The following KCNQ1 variants were observed in gnomAD, a reference collection of about 807,000 sequenced individuals.
The protein encoded by KCNQ1 is potassium voltage-gated channel subfamily Q member 1.
Under a neutral mutation model 72.4 loss-of-function variants are expected in KCNQ1, and 49 were observed. The ratio of observed to expected loss-of-function variants is 0.68; its 90% confidence interval spans 0.54 to 0.86. The LOEUF is 0.86. KCNQ1 is among the 40% of genes least tolerant of loss of function. The probability of loss-of-function intolerance (pLI) is 0.00; values close to 1 mark genes in which losing one functional copy is unlikely to be tolerated. For missense variants in KCNQ1, 790 were observed against 945.1 expected, an observed-to-expected ratio of 0.84 and a Z score of 2.15; for synonymous variants, 450 against 412.6, an observed-to-expected ratio of 1.09 and a Z score of -1.10.
In KCNQ1 at chr11:2,772,927, G is replaced by A. The variant is rs1408128470; in HGVS notation, c.1591-3033G>A. Reference sequence around the variant, plus strand: ...TCAGCTTCACAGAGCTCTGTGGTCTGCAGGAGGCTCACCACCATGACTCAT... The same window carrying A: ...TCAGCTTCACAGAGCTCTGTGGTCTACAGGAGGCTCACCACCATGACTCAT... On this transcript the variant is annotated intron_variant, in intron 12 of 15. Coordinates refer to ENST00000155840, the MANE Select transcript of KCNQ1 (RefSeq NM_000218.3). This position sits in a 1 kb window ranked among gnomAD's most constrained non-coding sequence, Gnocchi z 6.6. Among the ~76,000 whole-genome samples the A allele has an allele frequency of 6.6e-6, 1 of 152,158 alleles. No individual in the cohort carries two copies. The highest frequency in any genetic ancestry group is 1.5e-5 in the Non-Finnish European group (1 of 68,024).
At position 2,610,380 on chromosome 11, in the gene KCNQ1, C is replaced by T. The variant is rs72847701; in HGVS notation, c.1393+21526C>T. ...ATATAATGATATATCTTTAAAGAAG[C>T]TGAAAGGAGAGCAAGTATATATTTC... On this transcript the variant is annotated intron_variant, in intron 10 of 15. Transcript: ENST00000155840. The T allele has an allele frequency of 0.01, 4,162 of 398,200 alleles. 37 individuals carry two copies. The highest frequency in any genetic ancestry group is 0.016 in the Non-Finnish European group (3,596 of 225,920). The allele number at this position is 398,200 out of a possible 1,614,324, so 24.7% of individuals were successfully genotyped here.
chr11:2,778,375 T>C (rs1321821444), intron 15 of KCNQ1, among the ~76,000 whole-genome samples: 1 of 152,230 alleles, frequency 6.6e-6, no homozygotes, highest in East Asian at 1.9e-4. Flanking sequence ...CCTGGCTGTG[T>C]CCTGAGTGGA....
At chr11:2,574,019 C>T (rs1848380300) in intron 6 of KCNQ1, among the ~76,000 whole-genome samples, 1 of 152,162 alleles carries the variant, frequency 6.6e-6, no homozygotes, top group Non-Finnish European at 1.5e-5. Flanking sequence ...TGGTGGCTGC[C>T]TTCAAATCCT....
At chr11:2,839,525 G>T (rs1307342584) in intron 15 of KCNQ1, among the ~76,000 whole-genome samples, 1 of 149,640 alleles carries the variant, frequency 6.7e-6, no homozygotes, top group South Asian at 2.1e-4. Flanking sequence ...CAGCAGACAC[G>T]GCACACATAG....
At chr11:2,736,961 G>A (rs1845968958) in intron 11 of KCNQ1, among the ~76,000 whole-genome samples, 3 of 152,144 alleles carry the variant, frequency 2.0e-5, no homozygotes, top group Admixed American at 1.3e-4. Flanking sequence ...GCCCAGTCCC[G>A]ACCCCCACCG....
At chr11:2,597,569 G>T (rs1848750260) in intron 10 of KCNQ1, among the ~76,000 whole-genome samples, 1 of 152,166 alleles carries the variant, frequency 6.6e-6, no homozygotes, top group African/African-American at 2.4e-5. Flanking sequence ...AGAAGAGTAT[G>T]AAATCTGCCA....
intron 2 of KCNQ1, among the ~76,000 whole-genome samples, chr11:2,558,743 G>A (rs1848111969): frequency 1.3e-5 from 2 of 152,166 alleles, no homozygotes; most frequent in Admixed American, 6.5e-5. Flanking sequence ...GGCACCGGCA[G>A]TACATGTGAA....
chr11:2,521,543 C>T (rs957780633), intron 1 of KCNQ1: 25 of 470,706 alleles, frequency 5.3e-5, no homozygotes, highest in Middle Eastern at 3.2e-4. Context: ...AGTGGTTACA[C>T]GCCCCGGGGT....
rs1022554760 is a variant in KCNQ1, at chr11:2,621,639, A to G, written c.1393+32785A>G. 7.5e-6 allele frequency: 3 copies of G among 398,196 alleles called. No individual in the cohort carries two copies. The highest frequency in any genetic ancestry group is 1.3e-4 in the South Asian group (1 of 7,862). 24.7% of individuals were successfully genotyped at this position (398,196 alleles called of 1,614,324 possible). A position where few individuals can be genotyped will look rare whatever the true frequency, so the allele number is the denominator to read the frequency against. ...TTGGTTTTTTTCTAGGAATTTGTCC[A>G]TTTCCTCTAGGTTATCCAATTTGTT... On this transcript the variant is annotated intron_variant, in intron 10 of 15. Transcript: ENST00000155840. This position sits in a 1 kb window ranked among gnomAD's most constrained non-coding sequence, Gnocchi z 5.7.
At chr11:2,793,547 C>T (rs962125222) in intron 15 of KCNQ1, among the ~76,000 whole-genome samples, 5 of 152,176 alleles carry the variant, frequency 3.3e-5, no homozygotes, top group African/African-American at 1.2e-4. Flanking sequence ...TCGCTTGAGC[C>T]CAGGAGTTCA....
At chr11:2,505,462 G>A (rs1455126895) in intron 1 of KCNQ1, among the ~76,000 whole-genome samples, 1 of 152,084 alleles carries the variant, frequency 6.6e-6, no homozygotes, top group Non-Finnish European at 1.5e-5. Flanking sequence ...TGGGTCGAGT[G>A]TTCTCTGCAT....
In KCNQ1 at chr11:2,544,258, A is replaced by ATG. The variant is rs1353910599; in HGVS notation, c.477+16252_477+16253dup. ...TATATGTGTGTGTGTGTATATATATATGTGTGTGTGTGTATATATATGTGT... is the reference window on the plus strand; with the variant it reads ...TATATGTGTGTGTGTGTATATATATATGTGTGTGTGTGTGTATATATATGTGT... On this transcript the variant is annotated intron_variant, in intron 2 of 15. Transcript: ENST00000155840. The surrounding 1 kb of genome is among the most constrained non-coding windows in gnomAD (Gnocchi z 4.4). 9.2e-5 allele frequency among the ~76,000 whole-genome samples: 8 copies of ATG among 86,628 alleles called. No homozygotes were observed. The highest frequency in any genetic ancestry group is 4.1e-4 in the East Asian group (1 of 2,448). 56.8% of individuals were successfully genotyped at this position (86,628 alleles called of 152,430 possible).
intron 1 of KCNQ1, among the ~76,000 whole-genome samples, chr11:2,469,497 T>G (rs1264893482): frequency 6.6e-6 from 1 of 152,018 alleles, no homozygotes; most frequent in Non-Finnish European, 1.5e-5. Context: ...GGTCTCTAAC[T>G]CCTGACCTCG....
rs1590112712 is a variant in KCNQ1 at position 2,824,830 on chromosome 11, C to T, written c.1795-22937C>T. 1.3e-5 allele frequency among the ~76,000 whole-genome samples: 2 copies of T among 152,314 alleles called. No individual in the cohort carries two copies. Among genetic ancestry groups the T allele is most frequent in the East Asian group, 1.9e-4 (1 of 5,188 alleles). ...TTCTGTACTTGGCCTGTCTCAGTGCCGTGCCGCATCCATCCTGCCCCTGGC... is the reference window on the plus strand; with the variant it reads ...TTCTGTACTTGGCCTGTCTCAGTGCTGTGCCGCATCCATCCTGCCCCTGGC... On this transcript the variant is annotated intron_variant, in intron 15 of 15. Coordinates refer to ENST00000155840, the MANE Select transcript of KCNQ1 (RefSeq NM_000218.3). The surrounding 1 kb of genome is among the most constrained non-coding windows in gnomAD (Gnocchi z 5.9).
Position 2,497,486 on chromosome 11 carries a change from A to G in KCNQ1, c.387-30442A>G, listed in dbSNP as rs1019788773. The stretch of plus-strand genomic sequence containing the variant: ...TATTGATACTTGTGTATGCATCACA[A>G]AGTTCTCATGCTGTGTTTTTCAGCT... On this transcript the variant is annotated intron_variant, in intron 1 of 15. Coordinates refer to ENST00000155840, the MANE Select transcript of KCNQ1 (RefSeq NM_000218.3). The surrounding 1 kb of genome is among the most constrained non-coding windows in gnomAD (Gnocchi z 4.5). 6.6e-6 allele frequency among the ~76,000 whole-genome samples: 1 copy of G among 152,078 alleles called. No homozygotes were observed. Among genetic ancestry groups the G allele is most frequent in the African/African-American group, 2.4e-5 (1 of 41,392 alleles).
chr11:2,528,149 G>A, intron 2 of KCNQ1, 131 bp downstream of exon 2: 3 of 816,902 alleles, frequency 3.7e-6, no homozygotes, highest in Middle Eastern at 5.0e-4. Context: ...GTCCTGCCCT[G>A]ATACAGGGGG....
intron 1 of KCNQ1, among the ~76,000 whole-genome samples, chr11:2,525,402 G>A (rs972985273): frequency 6.6e-5 from 10 of 152,364 alleles, no homozygotes; most frequent in Middle Eastern, 3.4e-3. Flanking sequence ...TGCATCCACC[G>A]CGTGCTAGCG....
rs1362664717 is a variant in KCNQ1, at chr11:2,818,542, CCCT to C, written c.1795-29223_1795-29221del. On this transcript the variant is annotated intron_variant, in intron 15 of 15. Transcript: ENST00000155840. The surrounding 1 kb of genome is among the most constrained non-coding windows in gnomAD (Gnocchi z 7.2). ...CACCCGGGGTGAGGGGCCTAGAAACCCCTCTCCACCAGATGCCTTACACCCCCC... is the reference window on the plus strand; with the variant it reads ...CACCCGGGGTGAGGGGCCTAGAAACCCTCCACCAGATGCCTTACACCCCCC... 6.6e-6 allele frequency among the ~76,000 whole-genome samples: 1 copy of C among 152,146 alleles called. No individual in the cohort carries two copies. Among genetic ancestry groups the C allele is most frequent in the Non-Finnish European group, 1.5e-5 (1 of 68,012 alleles).
chr11:2,620,209 A>ATTT lies in KCNQ1; in HGVS notation c.1393+31356_1393+31357insTTT. ...CGTAAGTTCATTCATGTATATATAT[A>ATTT]TATTTTTTTTTTTTATTTTTTTTTT... is the stretch of plus-strand genomic sequence containing the variant. On this transcript the variant is annotated intron_variant, in intron 10 of 15. Coordinates refer to ENST00000155840, the MANE Select transcript of KCNQ1 (RefSeq NM_000218.3). This position sits in a 1 kb window ranked among gnomAD's most constrained non-coding sequence, Gnocchi z 4.5. 1 of 301,868 alleles carries ATTT rather than the reference A, an allele frequency of 3.3e-6. No individual in the cohort carries two copies. The allele number at this position is 301,868 out of a possible 1,614,324, so 18.7% of individuals were successfully genotyped here. A position where few individuals can be genotyped will look rare whatever the true frequency, so the allele number is the denominator to read the frequency against.
Sources: gnomAD v4.1 joint callset for allele counts (sites outside exome capture counted in the v4.1 genomes callset) on GRCh38, gnomAD v4.1.1 for gene constraint, Gnocchi (gnomAD v3.1) non-coding constraint, MANE v1.5 for transcripts, NCBI Gene and HGNC (gene_info 2026-07-23, HGNC 2026-07-21) for gene names.